Variants in NRXN1 observed in about 807,000 individuals in gnomAD.
NRXN1 encodes the protein neurexin 1.
In NRXN1, 39 loss-of-function variants were observed where a neutral mutation model predicts 150.9. That is an observed-to-expected ratio of 0.26 (90% CI 0.20 to 0.34). The LOEUF (loss-of-function observed/expected upper bound fraction) is 0.34. NRXN1 is among the 10% of genes least tolerant of loss of function. The probability of loss-of-function intolerance (pLI) is 1.00; values close to 1 mark genes in which losing one functional copy is unlikely to be tolerated. For missense variants in NRXN1, 1,815 were observed against 1,949.9 expected (o/e 0.93, Z 1.30); for synonymous variants, 924 against 757.0 (o/e 1.22, Z -3.62).
chr2:49,999,849 G>A (rs917962673), intron 21 of NRXN1, among the ~76,000 whole-genome samples: 23 of 152,098 alleles, frequency 1.5e-4, no homozygotes, highest in Non-Finnish European at 1.5e-5. Flanking sequence ...AAAATGTAAT[G>A]ACTAACTGCA....
chr2:50,891,586 T>G (rs947041010), intron 5 of NRXN1, among the ~76,000 whole-genome samples: 2 of 152,078 alleles, frequency 1.3e-5, no homozygotes, highest in Non-Finnish European at 2.9e-5. Context: ...TAATCATTAC[T>G]TGAAAAATGA....
intron 5 of NRXN1, among the ~76,000 whole-genome samples, chr2:50,884,276 T>C (rs1679895366): frequency 2.0e-5 from 3 of 151,824 alleles, no homozygotes; most frequent in Admixed American, 6.6e-5. Context: ...TTCTCAACAA[T>C]GTATCAATCA....
Position 50,623,633 on chromosome 2 carries a change from A to G in NRXN1, c.833-18T>C. Reference sequence around the variant, plus strand: ...TTCTTTTCCTAGAGGAAAACAGATGATACATACATAAGTAAACAAATACAC... The same window carrying G: ...TTCTTTTCCTAGAGGAAAACAGATGGTACATACATAAGTAAACAAATACAC... On this transcript the variant is annotated intron_variant, in intron 5 of 22. Coordinates refer to ENST00000401669, the MANE Select transcript of NRXN1 (RefSeq NM_001330078.2). The G allele has an allele frequency of 6.4e-7, 1 of 1,574,778 alleles. No individual in the cohort carries two copies. The highest frequency in any genetic ancestry group is 1.1e-5 in the South Asian group (1 of 89,688).
intron 8 of NRXN1, among the ~76,000 whole-genome samples, chr2:50,601,187 A>G (rs1360997675): frequency 6.6e-6 from 1 of 152,142 alleles, no homozygotes; most frequent in African/African-American, 2.4e-5. Context: ...TACTCTTTAT[A>G]TTTTTTCTAG....
intron 8 of NRXN1, among the ~76,000 whole-genome samples, chr2:50,597,513 G>C (rs187618777): frequency 6.8e-4 from 103 of 152,118 alleles, no homozygotes; most frequent in Middle Eastern, 6.8e-3. Flanking sequence ...ATTCTCTAAA[G>C]TGGGTGCATC....
chr2:50,382,862 CT>C, intron 17 of NRXN1, among the ~76,000 whole-genome samples: 1 of 152,264 alleles, frequency 6.6e-6, no homozygotes, highest in Non-Finnish European at 1.5e-5. Context: ...GAAGACCAGG[CT>C]AACTCAGAGA....
intron 5 of NRXN1, among the ~76,000 whole-genome samples, chr2:50,914,192 C>T (rs1198339563): frequency 6.6e-6 from 1 of 151,564 alleles, no homozygotes; most frequent in Non-Finnish European, 1.5e-5. Flanking sequence ...AAGTCATCTA[C>T]TTGGACATAC....
At chr2:50,796,989 G>A (rs546686401) in intron 5 of NRXN1, among the ~76,000 whole-genome samples, 4 of 152,200 alleles carry the variant, frequency 2.6e-5, no homozygotes, top group African/African-American at 9.6e-5. Context: ...AGGACACTGT[G>A]TCCTCACATG....
chr2:50,202,518 C>G (rs1312349739), intron 18 of NRXN1, among the ~76,000 whole-genome samples: 3 of 150,336 alleles, frequency 2.0e-5, no homozygotes, highest in Non-Finnish European at 4.4e-5. Context: ...AAAAACAAAA[C>G]AAAACAAAAA....
At chr2:50,266,967 G>A (rs2068973053) in intron 17 of NRXN1, among the ~76,000 whole-genome samples, 1 of 152,134 alleles carries the variant, frequency 6.6e-6, no homozygotes, top group Non-Finnish European at 1.5e-5. Context: ...TGTACAGATA[G>A]CATAGCTACC....
intron 5 of NRXN1, among the ~76,000 whole-genome samples, chr2:50,671,939 C>T (rs1181690509): frequency 6.6e-6 from 1 of 151,750 alleles, no homozygotes; most frequent in Non-Finnish European, 1.5e-5. Context: ...TCTGTATCTT[C>T]TATTGTCATT....
intron 5 of NRXN1, chr2:50,631,106 C>G (rs748247395): frequency 2.2e-6 from 1 of 452,432 alleles, no homozygotes; most frequent in Admixed American, 2.6e-5. Context: ...ACATTACTTT[C>G]AAGGGAGAGT....
intron 12 of NRXN1, among the ~76,000 whole-genome samples, chr2:50,521,977 G>C (rs1018657548): frequency 2.0e-5 from 3 of 152,078 alleles, no homozygotes; most frequent in African/African-American, 7.2e-5. Context: ...TTCTAGAAAA[G>C]TCGAATATAC....
chr2:50,447,692 G>A (rs2086554102), intron 17 of NRXN1, among the ~76,000 whole-genome samples: 1 of 126,494 alleles, frequency 7.9e-6, no homozygotes, highest in African/African-American at 3.2e-5. Flanking sequence ...GTGAGTGCTG[G>A]GAGATTCCTA....
chr2:50,639,688 G>GA (rs1468113898), intron 5 of NRXN1, among the ~76,000 whole-genome samples: 12 of 151,722 alleles, frequency 7.9e-5, no homozygotes, highest in African/African-American at 2.9e-4. Flanking sequence ...AACTCCTTGA[G>GA]AAAATATATA....
At chr2:50,770,027 T>A (rs1453656199) in intron 5 of NRXN1, among the ~76,000 whole-genome samples, 2 of 152,082 alleles carry the variant, frequency 1.3e-5, no homozygotes, top group Non-Finnish European at 2.9e-5. Context: ...CACTTGTGCT[T>A]CCCTGTACAT....
At chr2:50,984,887 T>C (rs1697444439) in intron 2 of NRXN1, among the ~76,000 whole-genome samples, 2 of 152,120 alleles carry the variant, frequency 1.3e-5, no homozygotes, top group Admixed American at 6.6e-5. Context: ...AAAAAAATTA[T>C]CTCTGCAAAT....
At chr2:50,804,271 C>T (rs192092103) in intron 5 of NRXN1, among the ~76,000 whole-genome samples, 1 of 152,174 alleles carries the variant, frequency 6.6e-6, no homozygotes, top group East Asian at 1.9e-4. Flanking sequence ...TATACAATGA[C>T]ACTAATAAGC....
At chr2:50,642,321 T>C (rs4518000) in intron 5 of NRXN1, among the ~76,000 whole-genome samples, 31,992 of 151,962 alleles carry the variant, frequency 0.21, 4,169 homozygotes, top group East Asian at 0.38. Flanking sequence ...AAAACAATTC[T>C]AAAGTATTGA....
Sources: gnomAD v4.1 joint callset for allele counts (sites outside exome capture counted in the v4.1 genomes callset) on GRCh38, gnomAD v4.1.1 for gene constraint, MANE v1.5 for transcripts, NCBI Gene and HGNC (gene_info 2026-07-23, HGNC 2026-07-21) for gene names.